OPA3: variants seen among roughly 807,000 people sequenced by gnomAD.
The protein encoded by OPA3 is outer mitochondrial membrane lipid metabolism regulator OPA3, also known as optic atrophy 3 protein.
A neutral mutation model predicts 4.0 loss-of-function variants in OPA3; 6 were observed. The observed-to-expected ratio is 1.51, with a 90% CI of 0.83 to 2.99. OPA3 has a LOEUF of 2.99. Ranked by LOEUF, OPA3 falls within the 30% of genes most tolerant of loss-of-function variation. The probability of loss-of-function intolerance (pLI) is 0.00; values close to 1 mark genes in which losing one functional copy is unlikely to be tolerated. For synonymous variants in OPA3, 105 were observed against 117.1 expected (o/e 0.90, Z 0.67); for missense variants, 235 against 256.2 (o/e 0.92, Z 0.56).
At chr19:45,572,468 C>A (rs1599991012) in intron 1 of OPA3, among the ~76,000 whole-genome samples, 1 of 118,076 alleles carries the variant, frequency 8.5e-6, no homozygotes, top group Non-Finnish European at 1.8e-5. Flanking sequence ...TATCATATAT[C>A]ATATAATAAT....
Position 45,553,485 on chromosome 19 carries a change from T to C in OPA3, c.*29A>G. 1.2e-6 allele frequency: 2 copies of C among 1,611,710 alleles called. No individual in the cohort carries two copies. Among genetic ancestry groups the C allele is most frequent in the South Asian group, 1.1e-5 (1 of 91,088 alleles). On this transcript the variant is annotated 3_prime_UTR_variant, in exon 2 of 2. Transcript: ENST00000263275. ...GGCCACGTTAGGTACATAGGCCATGTCCAAATTCAGGTTCCATCCAGCAAG... is the reference window on the plus strand; with the variant it reads ...GGCCACGTTAGGTACATAGGCCATGCCCAAATTCAGGTTCCATCCAGCAAG...
In OPA3 at chr19:45,547,078, AG is replaced by A. The variant is rs1407323526; in HGVS notation, c.*6435del. The A allele has an allele frequency of 6.6e-6, 1 of 151,850 alleles. No homozygotes were observed. The highest frequency in any genetic ancestry group is 1.5e-5 in the Non-Finnish European group (1 of 68,054). 9.4% of individuals were successfully genotyped at this position (151,850 alleles called of 1,614,324 possible). On this transcript the variant is annotated 3_prime_UTR_variant, in exon 2 of 2. Transcript: ENST00000263275. ...GCACTGGGGTCATTTCCTATGGGGA[AG>A]GAGGGAGGGAGGGAGGACTCCACAG... is the stretch of plus-strand genomic sequence containing the variant.
intron 1 of OPA3, among the ~76,000 whole-genome samples, chr19:45,573,478 A>G (rs575294586): frequency 2.6e-4 from 39 of 152,266 alleles, no homozygotes; most frequent in South Asian, 6.2e-4. Context: ...AAATGAATAA[A>G]TAAGTAAATA....
At chr19:45,535,782 A>ATTTTTTTT in intron 1 of OPA3, among the ~76,000 whole-genome samples, 1 of 102,078 alleles carries the variant, frequency 9.8e-6, no homozygotes, top group East Asian at 2.5e-4. Flanking sequence ...TTTTTTTTTA[A>ATTTTTTTT]GAGTTGAGGT....
At chr19:45,539,958 T>C (rs187872337) in intron 1 of OPA3, among the ~76,000 whole-genome samples, 1 of 152,088 alleles carries the variant, frequency 6.6e-6, no homozygotes, top group African/African-American at 2.4e-5. Context: ...TGTTCTGAAA[T>C]TGGAATGTGG....
intron 1 of OPA3, among the ~76,000 whole-genome samples, chr19:45,572,171 T>C (rs539060512): frequency 1.1e-3 from 149 of 141,416 alleles, no homozygotes; most frequent in Non-Finnish European, 1.7e-3. Context: ...TTTCTCCATG[T>C]TGGTCAGGTT....
rs1223311039 is a variant in OPA3, at chr19:45,550,228, T to A, written c.*3286A>T. Reference sequence around the variant, plus strand: ...TCAGAACCTGTTTCTTGGCTTTCTATCTGGGCAGATCTTGGTCCAGGCCAG... The same window carrying A: ...TCAGAACCTGTTTCTTGGCTTTCTAACTGGGCAGATCTTGGTCCAGGCCAG... On this transcript the variant is annotated 3_prime_UTR_variant, in exon 2 of 2. Coordinates refer to ENST00000263275, the MANE Select transcript of OPA3 (RefSeq NM_025136.4). 1 of 985,282 alleles carries A rather than the reference T, an allele frequency of 1.0e-6. No individual in the cohort carries two copies. Among genetic ancestry groups the A allele is most frequent in the Non-Finnish European group, 1.2e-6 (1 of 829,942 alleles). The allele number at this position is 985,282 out of a possible 1,614,324, so 61.0% of individuals were successfully genotyped here.
At chr19:45,540,423 C>T (rs563399888) in intron 1 of OPA3, among the ~76,000 whole-genome samples, 60 of 152,096 alleles carry the variant, frequency 3.9e-4, no homozygotes, top group African/African-American at 1.2e-3. Flanking sequence ...GGCCAGGACA[C>T]GGTGGCTCAT....
intron 1 of OPA3, among the ~76,000 whole-genome samples, chr19:45,568,062 G>A (rs950561689): frequency 7.9e-5 from 12 of 152,078 alleles, no homozygotes; most frequent in African/African-American, 2.4e-4. Flanking sequence ...GCACTGGTAC[G>A]ATCTCAGCTC....
At chr19:45,572,075 G>A (rs1969673825) in intron 1 of OPA3, among the ~76,000 whole-genome samples, 2 of 147,910 alleles carry the variant, frequency 1.4e-5, no homozygotes, top group South Asian at 2.1e-4. Context: ...CTCGCTCATG[G>A]TGGCTGCTTT....
Position 45,529,334 on chromosome 19 carries a change from T to C in OPA3, c.265A>G (p.Ile89Val), listed in dbSNP as rs779625614. 7 of 1,614,064 alleles carry C rather than the reference T, an allele frequency of 4.3e-6. No individual in the cohort carries two copies. In the African/African-American group the frequency reaches 6.7e-5, roughly 15 times the overall value. Residue 89 changes from isoleucine to valine, a missense_variant, in exon 2 of 2, where the codon ATC becomes GTC. Physicochemically the swap from Ile to Val is conservative, Grantham distance 29. Transcript: ENST00000323060. ...AGGCAGCTGCAGGCGGTGATGAAGA[T>C]GATGCCCTCGCCCAGCAGCTCCGCG... is the stretch of plus-strand genomic sequence containing the variant.
intron 1 of OPA3, among the ~76,000 whole-genome samples, chr19:45,574,197 T>A (rs1599994373): frequency 6.8e-6 from 1 of 146,352 alleles, no homozygotes; most frequent in African/African-American, 2.6e-5. Context: ...ATCGAGACCA[T>A]CCTGGCTAAC....
chr19:45,544,651 G>A (rs536543596), downstream of OPA3, among the ~76,000 whole-genome samples: 44 of 152,180 alleles, frequency 2.9e-4, 1 homozygote, highest in South Asian at 4.8e-3. Flanking sequence ...AAAATTAGCC[G>A]GGCGTGGTGG....
chr19:45,539,937 G>C (rs1392384572), intron 1 of OPA3, among the ~76,000 whole-genome samples: 1 of 152,172 alleles, frequency 6.6e-6, no homozygotes, highest in East Asian at 1.9e-4. Flanking sequence ...ATCTTTTGGA[G>C]ATGATGGAAA....
At chr19:45,581,941 G>C (rs1338088134) in intron 1 of OPA3, among the ~76,000 whole-genome samples, 4 of 152,108 alleles carry the variant, frequency 2.6e-5, no homozygotes, top group Non-Finnish European at 5.9e-5. Context: ...TGAGATTACA[G>C]ATGTGCGCCA....
At chr19:45,573,915 C>T (rs1969726019) in intron 1 of OPA3, among the ~76,000 whole-genome samples, 1 of 152,224 alleles carries the variant, frequency 6.6e-6, no homozygotes, top group Non-Finnish European at 1.5e-5. Context: ...GTAATCCCAA[C>T]ACTTTGGGAG....
At chr19:45,538,343 C>A (rs1358205172) in intron 1 of OPA3, among the ~76,000 whole-genome samples, 1 of 151,976 alleles carries the variant, frequency 6.6e-6, no homozygotes, top group East Asian at 1.9e-4. Context: ...ATTGCTTGAG[C>A]CTGGAAGATC....
chr19:45,556,354 CTTAT>C (rs60926619), intron 1 of OPA3, among the ~76,000 whole-genome samples: 5,926 of 151,646 alleles, frequency 0.039, 389 homozygotes, highest in African/African-American at 0.14. Context: ...CATATTCCAT[CTTAT>C]TTATTTATTT....
At chr19:45,538,282 G>A (rs2122390128) in intron 1 of OPA3, among the ~76,000 whole-genome samples, 1 of 152,190 alleles carries the variant, frequency 6.6e-6, no homozygotes, top group East Asian at 1.9e-4. Flanking sequence ...ATAGCTGGGT[G>A]TGGTGGTGTA....
Sources: allele counts gnomAD v4.1 joint callset (sites outside exome capture counted in the v4.1 genomes callset), GRCh38; gene constraint gnomAD v4.1.1; transcripts MANE v1.5; gene names NCBI Gene and HGNC (gene_info 2026-07-23, HGNC 2026-07-21).